Variants in PDGFD observed in about 807,000 individuals in gnomAD.
The protein encoded by PDGFD is platelet-derived growth factor D.
PDGFD carries 30 observed loss-of-function variants against 44.7 expected under a neutral mutation model. The observed-to-expected ratio is 0.67, with a 90% CI of 0.50 to 0.91. The LOEUF is 0.91. PDGFD is among the 40% of genes least tolerant of loss of function. The pLI, the probability that PDGFD is intolerant of heterozygous loss-of-function variation, is 0.00. For missense variants in PDGFD, 445 were observed against 457.8 expected (o/e 0.97, Z 0.25); for synonymous variants, 173 against 168.4 (o/e 1.03, Z -0.21).
At chr11:103,935,021 A>T (rs1858465793) in intron 5 of PDGFD, among the ~76,000 whole-genome samples, 1 of 152,196 alleles carries the variant, frequency 6.6e-6, no homozygotes, top group Admixed American at 6.5e-5. Flanking sequence ...TCACAGAAAA[A>T]AATTAGCACA....
chr11:104,150,883 A>T (rs146896889), intron 1 of PDGFD, among the ~76,000 whole-genome samples: 283 of 152,344 alleles, frequency 1.9e-3, no homozygotes, highest in African/African-American at 6.4e-3. Flanking sequence ...AGTCTCTTGC[A>T]TATAAAGTAA....
intron 1 of PDGFD, among the ~76,000 whole-genome samples, chr11:104,122,352 C>T (rs1393102111): frequency 6.6e-6 from 1 of 151,964 alleles, no homozygotes; most frequent in Non-Finnish European, 1.5e-5. Flanking sequence ...GTTGGGGAGG[C>T]CAGAAATTTG....
chr11:104,103,799 C>T (rs548551399), intron 1 of PDGFD, among the ~76,000 whole-genome samples: 1 of 152,166 alleles, frequency 6.6e-6, no homozygotes, highest in Admixed American at 6.6e-5. Context: ...GGGTGCATTA[C>T]ATAGTACTTG....
chr11:103,999,357 C>T (rs993106533), intron 2 of PDGFD, among the ~76,000 whole-genome samples: 17 of 152,060 alleles, frequency 1.1e-4, no homozygotes, highest in African/African-American at 2.4e-4. Context: ...GCTAATTAAG[C>T]GAGTAAAATG....
chr11:103,989,371 T>C (rs1435210074), intron 3 of PDGFD, among the ~76,000 whole-genome samples: 1 of 152,240 alleles, frequency 6.6e-6, no homozygotes, highest in Non-Finnish European at 1.5e-5. Flanking sequence ...CCAGTATCCA[T>C]GGAAGTGCCT....
intron 1 of PDGFD, among the ~76,000 whole-genome samples, chr11:104,141,680 T>C (rs532853598): frequency 1.3e-5 from 2 of 152,254 alleles, no homozygotes; most frequent in Non-Finnish European, 2.9e-5. Flanking sequence ...CAATCTCACA[T>C]GTCCCTATAT....
intron 1 of PDGFD, among the ~76,000 whole-genome samples, chr11:104,018,961 G>A (rs1859905184): frequency 1.3e-5 from 2 of 152,054 alleles, no homozygotes; most frequent in South Asian, 2.1e-4. Flanking sequence ...TGTCCTCCTC[G>A]GCTCCAAGCA....
intron 5 of PDGFD, among the ~76,000 whole-genome samples, chr11:103,928,551 C>T (rs926759539): frequency 5.3e-5 from 8 of 152,208 alleles, no homozygotes; most frequent in Non-Finnish European, 1.0e-4. Context: ...CATGAGTCCA[C>T]TAACCGCATC....
At chr11:104,157,347 C>T (rs1287649588) in intron 1 of PDGFD, among the ~76,000 whole-genome samples, 16 of 152,136 alleles carry the variant, frequency 1.1e-4, no homozygotes. Context: ...ATCACAGCCT[C>T]GGCCTTGCGG....
At chr11:104,111,262 CTTTT>C (rs373944945) in intron 1 of PDGFD, among the ~76,000 whole-genome samples, 2 of 119,642 alleles carry the variant, frequency 1.7e-5, no homozygotes, top group African/African-American at 3.1e-5. Context: ...ATTATTAATT[CTTTT>C]TTTTTTTTTT....
rs560149055 is a variant in PDGFD, at chr11:103,999,972, G to A, written c.329+79C>T. 5 of 1,287,804 alleles carry A rather than the reference G, an allele frequency of 3.9e-6. 1 individual carries two copies. The South Asian group carries it at 6.3e-5, about 16-fold the overall frequency. 79.8% of individuals were successfully genotyped at this position (1,287,804 alleles called of 1,614,324 possible). A position where few individuals can be genotyped will look rare whatever the true frequency, so the allele number is the denominator to read the frequency against. Reference sequence around the variant, plus strand: ...TCCATTTAAAAGGCTCAAAAGGAATGTTTGATACGATGCTTTAAATTCATC... The same window carrying A: ...TCCATTTAAAAGGCTCAAAAGGAATATTTGATACGATGCTTTAAATTCATC... On this transcript the variant is annotated intron_variant, in intron 2 of 6. Coordinates refer to ENST00000393158, the MANE Select transcript of PDGFD (RefSeq NM_025208.5).
At chr11:104,080,218 T>C (rs1002568894) in intron 1 of PDGFD, among the ~76,000 whole-genome samples, 2 of 152,202 alleles carry the variant, frequency 1.3e-5, no homozygotes, top group African/African-American at 4.8e-5. Flanking sequence ...AAGACTGTAA[T>C]TCATTATCTC....
rs184395912 is a variant in PDGFD, at chr11:103,989,956, A to T, written c.510+6109T>A. On this transcript the variant is annotated intron_variant, in intron 3 of 6. Transcript: ENST00000393158. ...ATATACTATAGAATAATAATAATAAAAAGATAAATAATAGTATCTAACCCT... is the reference window on the plus strand; with the variant it reads ...ATATACTATAGAATAATAATAATAATAAGATAAATAATAGTATCTAACCCT... Among the ~76,000 whole-genome samples, 792 of 152,242 alleles carry T rather than the reference A, an allele frequency of 5.2e-3. 4 individuals are homozygous for T. Among genetic ancestry groups the T allele is most frequent in the Middle Eastern group, 0.014 (4 of 294 alleles).
In PDGFD at chr11:104,141,551, C is replaced by G. The variant is rs541949965; in HGVS notation, c.124+22253G>C. ...CTTAGCTCAAGAAATCCTCTTGCCT[C>G]AGCCTCCTGAGTATCTGAGACCACA... On this transcript the variant is annotated intron_variant, in intron 1 of 6. Coordinates refer to ENST00000393158, the MANE Select transcript of PDGFD (RefSeq NM_025208.5). 1.3e-3 allele frequency among the ~76,000 whole-genome samples: 191 copies of G among 152,258 alleles called. 3 individuals carry two copies. Among genetic ancestry groups the G allele is most frequent in the Admixed American group, 0.012 (191 of 15,286 alleles).
intron 1 of PDGFD, among the ~76,000 whole-genome samples, chr11:104,132,262 T>C (rs10895582): frequency 0.25 from 37,686 of 151,938 alleles, 4,782 homozygotes; most frequent in East Asian, 0.29. Flanking sequence ...CTAATAAAAG[T>C]CACCTGAAAC....
chr11:103,975,105 C>T (rs1302902498), intron 3 of PDGFD, among the ~76,000 whole-genome samples: 1 of 152,220 alleles, frequency 6.6e-6, no homozygotes, highest in African/African-American at 2.4e-5. Flanking sequence ...AATTTACACT[C>T]CCACCAACAG....
intron 1 of PDGFD, among the ~76,000 whole-genome samples, chr11:104,136,856 TAATC>T (rs1862012541): frequency 6.6e-6 from 1 of 152,214 alleles, no homozygotes; most frequent in Non-Finnish European, 1.5e-5. Context: ...TTTTAAGAAA[TAATC>T]AAACATTTGG....
At chr11:104,099,037 C>T (rs1200679252) in intron 1 of PDGFD, among the ~76,000 whole-genome samples, 4 of 152,142 alleles carry the variant, frequency 2.6e-5, no homozygotes, top group Non-Finnish European at 5.9e-5. Context: ...ATCTAACATT[C>T]ACTGACTGCT....
intron 1 of PDGFD, among the ~76,000 whole-genome samples, chr11:104,023,194 C>A (rs148560948): frequency 5.5e-4 from 83 of 152,104 alleles, no homozygotes; most frequent in African/African-American, 1.9e-3. Context: ...ATTAAATAAC[C>A]AGAATATCTA....
Sources: allele counts gnomAD v4.1 joint callset (sites outside exome capture counted in the v4.1 genomes callset), GRCh38; gene constraint gnomAD v4.1.1; transcripts MANE v1.5; gene names NCBI Gene and HGNC (gene_info 2026-07-23, HGNC 2026-07-21).